Variants in FBXO31 observed in about 807,000 individuals in gnomAD.
FBXO31 encodes F-box only protein 31.
In FBXO31, 24 loss-of-function variants were observed where a neutral mutation model predicts 54.4. The observed-to-expected ratio is 0.44, with a 90% CI of 0.32 to 0.62. The LOEUF is 0.62. FBXO31 is among the 20% of genes least tolerant of loss of function. FBXO31 has a pLI of 0.05. For synonymous variants in FBXO31, 388 were observed against 335.6 expected (o/e 1.16, Z -1.71); for missense variants, 665 against 787.1 (o/e 0.84, Z 1.86).
At chr16:87,365,010 A>AATATATAT (rs55746745) in intron 1 of FBXO31, among the ~76,000 whole-genome samples, 2,832 of 47,562 alleles carry the variant, frequency 0.06, 635 homozygotes, top group South Asian at 0.16. Flanking sequence ...CCGTCTCTTA[A>AATATATAT]ATATATATAT....
chr16:87,335,241 C>A lies in FBXO31; in HGVS notation c.996+63G>T. On this transcript the variant is annotated intron_variant, in intron 7 of 8. Transcript: ENST00000311635. This position sits in a 1 kb window ranked among gnomAD's most constrained non-coding sequence, Gnocchi z 5.7. ...ATCAGTGTCTGCCCAAGTTCCCTGACTCCACAGCCCACTTGGGCCAGGTGC... is the reference window on the plus strand; with the variant it reads ...ATCAGTGTCTGCCCAAGTTCCCTGAATCCACAGCCCACTTGGGCCAGGTGC... 6.2e-7 allele frequency: 1 copy of A among 1,603,088 alleles called. No homozygotes were observed. The highest frequency in any genetic ancestry group is 1.1e-5 in the South Asian group (1 of 90,794).
At chr16:87,356,713 T>C (rs929830455) in intron 2 of FBXO31, among the ~76,000 whole-genome samples, 1 of 152,220 alleles carries the variant, frequency 6.6e-6, no homozygotes, top group Non-Finnish European at 1.5e-5. Flanking sequence ...GAAATTACTC[T>C]TTCTGCTTTC....
At position 87,383,370 on chromosome 16, in the gene FBXO31, C is replaced by G; in HGVS notation, c.340+35G>C. 6.9e-7 allele frequency: 1 copy of G among 1,449,412 alleles called. No homozygotes were observed. The highest frequency in any genetic ancestry group is 9.3e-7 in the Non-Finnish European group (1 of 1,072,480). The allele number at this position is 1,449,412 out of a possible 1,614,324, so 89.8% of individuals were successfully genotyped here. ...AGGCCTCCACCTGGCAGGGACCCCC[C>G]GCCCCTCCCGGCCCCGCCACCCCCG... On this transcript the variant is annotated intron_variant, in intron 1 of 8. Coordinates refer to ENST00000311635, the MANE Select transcript of FBXO31 (RefSeq NM_024735.5). This position sits in a 1 kb window ranked among gnomAD's most constrained non-coding sequence, Gnocchi z 4.9.
At chr16:87,365,810 T>G (rs987498974) in intron 1 of FBXO31, among the ~76,000 whole-genome samples, 2 of 152,082 alleles carry the variant, frequency 1.3e-5, no homozygotes, top group Admixed American at 1.3e-4. Flanking sequence ...GGCAAATCAC[T>G]TGAGGTCAGG....
chr16:87,360,246 G>A, intron 2 of FBXO31, 49 bp downstream of exon 2: 1 of 1,534,416 alleles, frequency 6.5e-7, no homozygotes, highest in East Asian at 2.2e-5. Flanking sequence ...TGCACTGTCT[G>A]CTTCTGGTAC....
At chr16:87,368,919 C>T (rs1204583631) in intron 1 of FBXO31, among the ~76,000 whole-genome samples, 3 of 152,228 alleles carry the variant, frequency 2.0e-5, no homozygotes, top group South Asian at 2.1e-4. Context: ...CCTGCCTCAG[C>T]CTACCAAGTA....
intron 2 of FBXO31, among the ~76,000 whole-genome samples, chr16:87,353,698 G>A (rs912189979): frequency 6.6e-6 from 1 of 151,142 alleles, no homozygotes; most frequent in Non-Finnish European, 1.5e-5. Context: ...AGGAGGCTCC[G>A]CAAGACCCTT....
intron 5 of FBXO31, among the ~76,000 whole-genome samples, chr16:87,341,193 A>G (rs1457116987): frequency 6.6e-6 from 1 of 152,218 alleles, no homozygotes; most frequent in Non-Finnish European, 1.5e-5. Flanking sequence ...CAGGAAAAAC[A>G]CTACTCCAGT....
intron 2 of FBXO31, among the ~76,000 whole-genome samples, chr16:87,348,047 C>T (rs917253446): frequency 6.6e-6 from 1 of 152,180 alleles, no homozygotes; most frequent in Non-Finnish European, 1.5e-5. Flanking sequence ...AGGTCACCCT[C>T]GAAGCTGCCC....
chr16:87,387,667 C>T (rs1197843463), upstream of FBXO31, among the ~76,000 whole-genome samples: 5 of 152,242 alleles, frequency 3.3e-5, no homozygotes, highest in African/African-American at 9.6e-5. Flanking sequence ...ATTAGCTGGG[C>T]GTGTTGGCGG....
chr16:87,337,200 C>CA (rs1905065712), intron 5 of FBXO31, among the ~76,000 whole-genome samples: 2 of 152,120 alleles, frequency 1.3e-5, no homozygotes, highest in Admixed American at 1.3e-4. Flanking sequence ...ACAAAATCCT[C>CA]AAAAAAACAT....
At chr16:87,372,513 C>G (rs1045340732) in intron 1 of FBXO31, among the ~76,000 whole-genome samples, 10 of 152,192 alleles carry the variant, frequency 6.6e-5, no homozygotes, top group African/African-American at 2.4e-4. Context: ...CCCATTCCAT[C>G]AGAACCAGTG....
upstream of FBXO31, chr16:87,384,158 G>T (rs1419143401): frequency 6.5e-6 from 1 of 153,318 alleles, no homozygotes; most frequent in Non-Finnish European, 1.5e-5. Context: ...GCGCCCGTGC[G>T]TCCCGCTTCC....
At position 87,344,641 on chromosome 16, in the gene FBXO31, G is replaced by GT. The variant is rs1189899336; in HGVS notation, c.490-877dup. On this transcript the variant is annotated intron_variant, in intron 3 of 8. Coordinates refer to ENST00000311635, the MANE Select transcript of FBXO31 (RefSeq NM_024735.5). ...TATCCACTGCTTTTTGTTTTTTGGGGTTTTTTTTTTTACTCTATTACTCAC... is the reference window on the plus strand; with the variant it reads ...TATCCACTGCTTTTTGTTTTTTGGGGTTTTTTTTTTTTACTCTATTACTCAC... 5.5e-3 allele frequency among the ~76,000 whole-genome samples: 804 copies of GT among 147,284 alleles called. 2 individuals are homozygous for GT. The highest frequency in any genetic ancestry group is 0.015 in the African/African-American group (601 of 40,364).
At chr16:87,351,300 G>C (rs76094474) in intron 2 of FBXO31, among the ~76,000 whole-genome samples, 2 of 152,180 alleles carry the variant, frequency 1.3e-5, no homozygotes, top group African/African-American at 4.8e-5. Context: ...GAGTGTGAGC[G>C]TGATCTCTAT....
intron 1 of FBXO31, among the ~76,000 whole-genome samples, chr16:87,372,942 C>T (rs577201338): frequency 1.3e-5 from 2 of 151,518 alleles, no homozygotes; most frequent in South Asian, 4.2e-4. Context: ...ACCATATTGA[C>T]CAGGCTGGTC....
At chr16:87,332,589 A>C (rs1251916648) in intron 8 of FBXO31, among the ~76,000 whole-genome samples, 1 of 151,868 alleles carries the variant, frequency 6.6e-6, no homozygotes, top group Non-Finnish European at 1.5e-5. Flanking sequence ...AGTCACCGTT[A>C]TCATACATGG....
intron 5 of FBXO31, among the ~76,000 whole-genome samples, chr16:87,341,655 CAAAAAAAA>C (rs397854967): frequency 4.2e-5 from 3 of 70,678 alleles, no homozygotes; most frequent in Non-Finnish European, 7.9e-5. Flanking sequence ...GACTCCGTCT[CAAAAAAAA>C]AAAAAAAAAA....
chr16:87,390,156 C>T (rs111586961), upstream of FBXO31, among the ~76,000 whole-genome samples: 2 of 152,134 alleles, frequency 1.3e-5, no homozygotes. Flanking sequence ...TGGCAGGCAC[C>T]TGTATTCCCA....
Sources: allele counts gnomAD v4.1 joint callset (sites outside exome capture counted in the v4.1 genomes callset), GRCh38; gene constraint gnomAD v4.1.1; non-coding constraint Gnocchi (gnomAD v3.1); transcripts MANE v1.5; gene names NCBI Gene and HGNC (gene_info 2026-07-23, HGNC 2026-07-21).